OSBP2: variants seen among roughly 807,000 people sequenced by gnomAD.
OSBP2 encodes the protein oxysterol binding protein 2, also known as oxysterol-binding protein 2.
In OSBP2, 66 loss-of-function variants were observed where a neutral mutation model predicts 96.0. That is an observed-to-expected ratio of 0.69 (90% CI 0.56 to 0.84). The LOEUF (loss-of-function observed/expected upper bound fraction) is 0.84. Ranked by LOEUF, OSBP2 falls within the 40% of genes least tolerant of loss-of-function variation. OSBP2 has a pLI of 0.00. For synonymous variants in OSBP2, 525 were observed against 520.9 expected (o/e 1.01, Z -0.11); for missense variants, 1,038 against 1,222.7 (o/e 0.85, Z 2.25).
intron 1 of OSBP2, among the ~76,000 whole-genome samples, chr22:30,701,347 T>G (rs2089159094): frequency 6.8e-6 from 1 of 146,956 alleles, no homozygotes; most frequent in South Asian, 2.2e-4. Flanking sequence ...TTCTTTTCTT[T>G]TTTTTTTTTT....
chr22:30,817,060 T>C (rs369592469), intron 2 of OSBP2, among the ~76,000 whole-genome samples: 8 of 152,190 alleles, frequency 5.3e-5, no homozygotes, highest in Non-Finnish European at 1.0e-4. Flanking sequence ...TGATCTAAAA[T>C]AATCAATGAT....
intron 2 of OSBP2, among the ~76,000 whole-genome samples, chr22:30,866,398 AAC>A: frequency 6.6e-6 from 1 of 152,224 alleles, no homozygotes; most frequent in Admixed American, 6.5e-5. Flanking sequence ...CAGCCCTGCT[AAC>A]ACCTGGATTT....
At chr22:30,895,768 G>A (rs1456724810) in intron 12 of OSBP2, among the ~76,000 whole-genome samples, 13 of 151,790 alleles carry the variant, frequency 8.6e-5, no homozygotes, top group African/African-American at 1.7e-4. Context: ...GAGAAACCCC[G>A]TCTCTACTAA....
chr22:30,715,399 CAG>C (rs1281608602), intron 1 of OSBP2, among the ~76,000 whole-genome samples: 5 of 144,582 alleles, frequency 3.5e-5, no homozygotes. Flanking sequence ...GAGGAGGGGA[CAG>C]AGTCTTGCTT....
upstream of OSBP2, chr22:30,694,722 A>C (rs71324174): frequency 1 from 306,907 of 306,922 alleles, 153,446 homozygotes; most frequent in Middle Eastern, 1. Context: ...GGGTCCAAAC[A>C]TGGCCCGAGG....
Position 30,870,283 on chromosome 22 carries a change from C to A in OSBP2, c.854-146C>A. The A allele has an allele frequency of 1.2e-6, 1 of 867,996 alleles. No homozygotes were observed. The highest frequency in any genetic ancestry group is 1.7e-6 in the Non-Finnish European group (1 of 572,262). 53.8% of individuals were successfully genotyped at this position (867,996 alleles called of 1,614,324 possible). A position where few individuals can be genotyped will look rare whatever the true frequency, so the allele number is the denominator to read the frequency against. ...CCAGGATGGGGCAGGCACCTCACCCCGGCCAGGAACAGGAACGGGCACCAT... is the reference window on the plus strand; with the variant it reads ...CCAGGATGGGGCAGGCACCTCACCCAGGCCAGGAACAGGAACGGGCACCAT... On this transcript the variant is annotated intron_variant, in intron 2 of 13. Coordinates refer to ENST00000332585, the MANE Select transcript of OSBP2 (RefSeq NM_030758.4). The surrounding 1 kb of genome is among the most constrained non-coding windows in gnomAD (Gnocchi z 4.1).
intron 1 of OSBP2, among the ~76,000 whole-genome samples, chr22:30,724,403 T>G (rs1392297777): frequency 6.6e-6 from 1 of 152,130 alleles, no homozygotes; most frequent in African/African-American, 2.4e-5. Flanking sequence ...ATATTTTTAG[T>G]AGAGATGGGG....
At chr22:30,840,884 G>A (rs1158931246) in intron 2 of OSBP2, among the ~76,000 whole-genome samples, 1 of 152,016 alleles carries the variant, frequency 6.6e-6, no homozygotes, top group Non-Finnish European at 1.5e-5. Context: ...TACAACGTGG[G>A]CTAGGCGAGG....
intron 2 of OSBP2, among the ~76,000 whole-genome samples, chr22:30,755,370 C>T (rs769973825): frequency 1.3e-5 from 2 of 152,210 alleles, no homozygotes; most frequent in Non-Finnish European, 2.9e-5. Context: ...GAGCTCACCA[C>T]AGGACCAAGC....
chr22:30,850,188 C>T (rs1192934521), intron 2 of OSBP2, among the ~76,000 whole-genome samples: 1 of 151,842 alleles, frequency 6.6e-6, no homozygotes, highest in African/African-American at 2.4e-5. Context: ...TGCCTATAGT[C>T]CCAGCTACTT....
At chr22:30,695,584 T>C (rs748688704) in intron 1 of OSBP2, 31 bp downstream of exon 1, 7 of 1,579,736 alleles carry the variant, frequency 4.4e-6, no homozygotes, top group Non-Finnish European at 6.0e-6. Context: ...GACATGGGGG[T>C]TGGAGGGTGG....
intron 2 of OSBP2, among the ~76,000 whole-genome samples, chr22:30,799,622 G>C (rs2145839037): frequency 6.6e-6 from 1 of 152,374 alleles, no homozygotes; most frequent in African/African-American, 2.4e-5. Flanking sequence ...TTAAAAGCTA[G>C]TTGTTAGTTT....
At chr22:30,798,334 C>T (rs928738725) in intron 2 of OSBP2, among the ~76,000 whole-genome samples, 2 of 152,230 alleles carry the variant, frequency 1.3e-5, no homozygotes, top group East Asian at 3.9e-4. Context: ...TAATCCCTTA[C>T]CATATATATG....
At chr22:30,695,704 C>T (rs1035516104) in intron 1 of OSBP2, 151 bp downstream of exon 1, 40 of 1,404,036 alleles carry the variant, frequency 2.8e-5, no homozygotes, top group South Asian at 7.0e-5. Context: ...GCTTCTGGCC[C>T]GCCGCCAAGG....
upstream of OSBP2, among the ~76,000 whole-genome samples, chr22:30,694,636 T>C (rs1457460551): frequency 4.9e-3 from 3 of 610 alleles, no homozygotes; most frequent in Non-Finnish European, 9.0e-3. Context: ...CCCTTCGGAG[T>C]TGACCGACCA....
chr22:30,731,153 G>A (rs1361810106), intron 1 of OSBP2, among the ~76,000 whole-genome samples: 3 of 151,706 alleles, frequency 2.0e-5, no homozygotes, highest in African/African-American at 4.8e-5. Context: ...CAGCCTGGGC[G>A]GCAGAGTGAG....
chr22:30,717,970 A>G (rs141987958), intron 1 of OSBP2, among the ~76,000 whole-genome samples: 33 of 152,336 alleles, frequency 2.2e-4, no homozygotes, highest in Middle Eastern at 3.4e-3. Context: ...CTGAGGTTAA[A>G]GCAGCAGTGG....
intron 2 of OSBP2, among the ~76,000 whole-genome samples, chr22:30,746,969 A>G (rs188578426): frequency 1.3e-5 from 2 of 152,364 alleles, no homozygotes; most frequent in Admixed American, 6.5e-5. Flanking sequence ...ACTATACACC[A>G]TGACCAAGTG....
At chr22:30,717,607 AT>A (rs2089484779) in intron 1 of OSBP2, among the ~76,000 whole-genome samples, 1 of 152,228 alleles carries the variant, frequency 6.6e-6, no homozygotes, top group African/African-American at 2.4e-5. Context: ...TACAAAAAGA[AT>A]GATTGCCATA....
Sources: allele counts gnomAD v4.1 joint callset (sites outside exome capture counted in the v4.1 genomes callset), GRCh38; gene constraint gnomAD v4.1.1; non-coding constraint Gnocchi (gnomAD v3.1); transcripts MANE v1.5; gene names NCBI Gene and HGNC (gene_info 2026-07-23, HGNC 2026-07-21).